SCLY: variants seen among roughly 807,000 people sequenced by gnomAD.
The protein encoded by SCLY is selenocysteine lyase, also known as putative selenocysteine lyase.
SCLY carries 38 observed loss-of-function variants against 50.1 expected under a neutral mutation model. The ratio of observed to expected loss-of-function variants is 0.76; its 90% CI spans 0.59 to 0.99. The LOEUF (loss-of-function observed/expected upper bound fraction) is 0.99, where lower values mean the gene tolerates loss of function less well. Among genes scored for constraint, SCLY ranks in the 50% least tolerant of loss-of-function variants. SCLY has a pLI of 0.00. For synonymous variants in SCLY, 243 were observed against 249.4 expected (o/e 0.97, Z 0.24); for missense variants, 600 against 620.0 (o/e 0.97, Z 0.34).
chr2:238,069,267 G>T lies in SCLY; in HGVS notation c.304-30G>T. The T allele has an allele frequency of 6.2e-7, 1 of 1,605,912 alleles. No individual in the cohort carries two copies. The highest frequency in any genetic ancestry group is 8.5e-7 in the Non-Finnish European group (1 of 1,176,090). The stretch of plus-strand genomic sequence containing the variant: ...TGACCCTTACCTCAGCACAGTTTTT[G>T]TAAATGCTTTTTTTGCTGTATCTCT... On this transcript the variant is annotated intron_variant, in intron 3 of 11. Transcript: ENST00000254663. The surrounding 1 kb of genome is among the most constrained non-coding windows in gnomAD (Gnocchi z 5.0).
chr2:238,099,316 T>A lies in SCLY; in HGVS notation c.*961T>A, dbSNP rs1283405502. Reference sequence around the variant, plus strand: ...GGAGTCATTTTCAGTGGAATAACATTTTTAATGTGTGGTTTTACGGTTCAA... The same window carrying A: ...GGAGTCATTTTCAGTGGAATAACATATTTAATGTGTGGTTTTACGGTTCAA... On this transcript the variant is annotated 3_prime_UTR_variant, in exon 12 of 12. Coordinates refer to ENST00000254663, the MANE Select transcript of SCLY (RefSeq NM_016510.7). 6.4e-6 allele frequency: 3 copies of A among 471,592 alleles called. No individual in the cohort carries two copies. Among genetic ancestry groups the A allele is most frequent in the South Asian group, 3.1e-5 (2 of 64,558 alleles). The allele number at this position is 471,592 out of a possible 1,614,324, so 29.2% of individuals were successfully genotyped here. A position where few individuals can be genotyped will look rare whatever the true frequency, so the allele number is the denominator to read the frequency against.
At chr2:238,089,630 A>ATTT (rs544432437) in intron 7 of SCLY, among the ~76,000 whole-genome samples, 1 of 132,404 alleles carries the variant, frequency 7.6e-6, no homozygotes, top group South Asian at 2.5e-4. Context: ...TAAAACATTG[A>ATTT]TTTTTTTTTT....
At chr2:238,072,815 T>G (rs1041484347) in intron 4 of SCLY, among the ~76,000 whole-genome samples, 4 of 152,244 alleles carry the variant, frequency 2.6e-5, no homozygotes, top group Non-Finnish European at 4.4e-5. Flanking sequence ...AAATATTTTC[T>G]CTCATTCTGT....
chr2:238,069,166 A>T lies in SCLY; in HGVS notation c.304-131A>T. ...AACCCCAAATCTTTCAAAAGGTCCC[A>T]CTCAGGAAGTTGAATTTCTTTGAAG... is the stretch of plus-strand genomic sequence containing the variant. On this transcript the variant is annotated intron_variant, in intron 3 of 11. Coordinates refer to ENST00000254663, the MANE Select transcript of SCLY (RefSeq NM_016510.7). This position sits in a 1 kb window ranked among gnomAD's most constrained non-coding sequence, Gnocchi z 5.0. The T allele has an allele frequency of 1.3e-6, 1 of 774,404 alleles. No individual in the cohort carries two copies. Among genetic ancestry groups the T allele is most frequent in the Admixed American group, 3.3e-5 (1 of 30,518 alleles). 48.0% of individuals were successfully genotyped at this position (774,404 alleles called of 1,614,324 possible).
chr2:238,064,398 C>G lies in SCLY; in HGVS notation c.131C>G (p.Pro44Arg), dbSNP rs574098746. Residue 44 changes from proline to arginine, a missense_variant, in exon 2 of 12, where the codon CCA becomes CGA. Coordinates refer to ENST00000254663, the MANE Select transcript of SCLY (RefSeq NM_016510.7). ...MDYNATTPLE[P>R]EVIQAMTKAM... ...TATAATGCAACGACTCCCCTGGAGCCAGAAGTTATCCAGGCCATGACCAAG... is the reference window on the plus strand; with the variant it reads ...TATAATGCAACGACTCCCCTGGAGCGAGAAGTTATCCAGGCCATGACCAAG... The G allele has an allele frequency of 1.7e-5, 27 of 1,610,610 alleles. No individual in the cohort carries two copies. The highest frequency in any genetic ancestry group is 2.0e-5 in the Non-Finnish European group (23 of 1,178,614).
At position 238,069,554 on chromosome 2, in the gene SCLY, G is replaced by T; in HGVS notation, c.484+77G>T. 1 of 1,320,266 alleles carries T rather than the reference G, an allele frequency of 7.6e-7. No homozygotes were observed. Among genetic ancestry groups the T allele is most frequent in the Non-Finnish European group, 1.0e-6 (1 of 969,142 alleles). The allele number at this position is 1,320,266 out of a possible 1,614,324, so 81.8% of individuals were successfully genotyped here. ...AGGCGGGAAGTGGCCTGCGAGCAGA[G>T]CCCGGGATCCGCTGCAGAGATGTAG... is the stretch of plus-strand genomic sequence containing the variant. On this transcript the variant is annotated intron_variant, in intron 4 of 11. Transcript: ENST00000254663. The surrounding 1 kb of genome is among the most constrained non-coding windows in gnomAD (Gnocchi z 5.0).
chr2:238,075,802 TTAAAGAAC>T (rs771146906), intron 4 of SCLY, among the ~76,000 whole-genome samples: 53 of 152,172 alleles, frequency 3.5e-4, no homozygotes, highest in Non-Finnish European at 4.4e-5. Flanking sequence ...AAAACTCTTT[TTAAAGAAC>T]TAACTTTTGA....
At chr2:238,086,159 A>G (rs974357695) in intron 7 of SCLY, among the ~76,000 whole-genome samples, 4 of 152,226 alleles carry the variant, frequency 2.6e-5, no homozygotes, top group Non-Finnish European at 5.9e-5. Flanking sequence ...GTACCCAGTG[A>G]ATATATCTTT....
At chr2:238,064,236 C>T in intron 1 of SCLY, 121 bp from the exon 2 acceptor site, 1 of 530,832 alleles carries the variant, frequency 1.9e-6, no homozygotes, top group Middle Eastern at 2.8e-4. Context: ...AGTGCTTATG[C>T]AGAGGATCAC....
chr2:238,091,666 C>A (rs545301731), intron 8 of SCLY: 2 of 190,522 alleles, frequency 1.0e-5, no homozygotes, highest in African/African-American at 2.3e-5. Context: ...CCTGCTTCTG[C>A]GACAGTAACC....
At chr2:238,061,223 C>T in intron 1 of SCLY, 80 bp downstream of exon 1, 1 of 1,113,832 alleles carries the variant, frequency 9.0e-7, no homozygotes. Context: ...AAGGGGGCTC[C>T]CGGCCTGTGG....
At chr2:238,084,998 C>T (rs575575451) in intron 7 of SCLY, among the ~76,000 whole-genome samples, 33 of 151,122 alleles carry the variant, frequency 2.2e-4, no homozygotes, top group African/African-American at 7.5e-4. Context: ...GCAGCCCAAA[C>T]AGAAAGATTG....
intron 7 of SCLY, among the ~76,000 whole-genome samples, chr2:238,086,875 C>A (rs1038430567): frequency 2.0e-5 from 3 of 151,796 alleles, no homozygotes; most frequent in Non-Finnish European, 4.4e-5. Flanking sequence ...TAAAATGAGC[C>A]GGGTGTGGTG....
chr2:238,081,688 G>T, intron 4 of SCLY, 21 bp from the exon 5 acceptor site: 1 of 1,610,612 alleles, frequency 6.2e-7, no homozygotes, highest in Non-Finnish European at 8.5e-7. Context: ...GCTCAGTTCG[G>T]TACTCATGTT....
rs780771918 is a variant in SCLY, at chr2:238,067,342, C to T, written c.203-723C>T. Among the ~76,000 whole-genome samples the T allele has an allele frequency of 6.6e-6, 1 of 152,198 alleles. No homozygotes were observed. Among genetic ancestry groups the T allele is most frequent in the Non-Finnish European group, 1.5e-5 (1 of 68,042 alleles). On this transcript the variant is annotated intron_variant, in intron 2 of 11. Transcript: ENST00000254663. This position sits in a 1 kb window ranked among gnomAD's most constrained non-coding sequence, Gnocchi z 4.3. ...TGTTTCGTAATAGTATATGTTTTAG[C>T]GGTGCCTGCTCAATTTTTTCTTATT...
chr2:238,074,340 T>A (rs969043900), intron 4 of SCLY, among the ~76,000 whole-genome samples: 2 of 151,954 alleles, frequency 1.3e-5, no homozygotes, highest in African/African-American at 4.8e-5. Flanking sequence ...AGTCAAAAGT[T>A]AGACACAAAT....
chr2:238,070,066 C>T lies in SCLY; in HGVS notation c.484+589C>T, dbSNP rs574677036. ...GGTGGTGCCCAAGTGCGGCAGGAGG[C>T]GCAGGGGCCCTCAGGGAGGAGGAGG... is the stretch of plus-strand genomic sequence containing the variant. On this transcript the variant is annotated intron_variant, in intron 4 of 11. Transcript: ENST00000254663. Among the ~76,000 whole-genome samples the T allele has an allele frequency of 4.2e-4, 64 of 152,316 alleles. No individual in the cohort carries two copies. The South Asian group carries it at 0.012, about 30-fold the overall frequency.
rs150004949 is a variant in SCLY, at chr2:238,064,488, C to T, written c.202+19C>T. 5.6e-4 allele frequency: 866 copies of T among 1,551,238 alleles called. 7 individuals are homozygous for T. In the African/African-American group the frequency reaches 0.01, roughly 18 times the overall value. On this transcript the variant is annotated intron_variant, in intron 2 of 11. Transcript: ENST00000254663. Reference sequence around the variant, plus strand: ...TCAGCAGGTAATTCTAGAAGATGCACGTGTTCACTGATGGGAGATAATGGG... The same window carrying T: ...TCAGCAGGTAATTCTAGAAGATGCATGTGTTCACTGATGGGAGATAATGGG...
chr2:238,062,955 G>A (rs1173945252), intron 1 of SCLY, among the ~76,000 whole-genome samples: 1 of 152,196 alleles, frequency 6.6e-6, no homozygotes, highest in Non-Finnish European at 1.5e-5. Flanking sequence ...TTTACTTAGT[G>A]AGGGATCTTT....
Sources: allele counts gnomAD v4.1 joint callset (sites outside exome capture counted in the v4.1 genomes callset), GRCh38; gene constraint gnomAD v4.1.1; non-coding constraint Gnocchi (gnomAD v3.1); transcripts MANE v1.5; gene names NCBI Gene and HGNC (gene_info 2026-07-23, HGNC 2026-07-21).